The following USP34 variants were observed in gnomAD, a reference collection of about 807,000 sequenced individuals.
USP34 encodes ubiquitin specific peptidase 34.
In USP34, 70 loss-of-function variants were observed where a neutral mutation model predicts 460.3. The ratio of observed to expected loss-of-function variants is 0.15; its 90% CI spans 0.13 to 0.19. The LOEUF is 0.19. USP34 is among the 10% of genes least tolerant of loss of function. USP34 has a pLI of 1.00. For missense variants in USP34, 3,985 were observed against 4,236.2 expected (o/e 0.94, Z 1.65); for synonymous variants, 1,647 against 1,405.3 (o/e 1.17, Z -3.85).
chr2:61,350,587 G>C lies in USP34; in HGVS notation c.1358C>G (p.Pro453Arg), dbSNP rs770780741. Residue 453 changes from proline to arginine, a missense_variant, in exon 11 of 80, where the codon CCA becomes CGA. Physicochemically the swap from Pro to Arg is moderately radical, Grantham distance 103 (BLOSUM62 -2). Coordinates refer to ENST00000398571, the MANE Select transcript of USP34 (RefSeq NM_014709.4). The stretch of plus-strand genomic sequence containing the variant: ...TATTACCTGTTCAGTATGAACACTT[G>C]GCTCAAGAGCTGAGACCAGATTAAG... The part of the protein sequence containing the change: ...HLLNLVSALE[P>R]SVHTEQTLYL... 5.6e-6 allele frequency: 9 copies of C among 1,612,032 alleles called. No individual in the cohort carries two copies. The East Asian group carries it at 1.8e-4, about 32-fold the overall frequency.
intron 41 of USP34, among the ~76,000 whole-genome samples, chr2:61,268,937 CTAA>C (rs1387442267): frequency 6.6e-6 from 1 of 151,820 alleles, no homozygotes; most frequent in African/African-American, 2.4e-5. Context: ...TTGCCATGTC[CTAA>C]TAATAAATGT....
intron 2 of USP34, among the ~76,000 whole-genome samples, chr2:61,414,321 C>T (rs2103957211): frequency 6.6e-6 from 1 of 151,484 alleles, no homozygotes; most frequent in East Asian, 1.9e-4. Flanking sequence ...ACAAGGGCTA[C>T]TGCTTCTCCA....
intron 7 of USP34, among the ~76,000 whole-genome samples, chr2:61,379,779 C>T (rs1274509018): frequency 6.6e-6 from 1 of 152,230 alleles, no homozygotes; most frequent in African/African-American, 2.4e-5. Context: ...TCAAAACAAA[C>T]ATTTAGTAAA....
intron 1 of USP34, among the ~76,000 whole-genome samples, chr2:61,440,982 G>T (rs1694948633): frequency 6.6e-6 from 1 of 151,822 alleles, no homozygotes; most frequent in Admixed American, 6.6e-5. Flanking sequence ...AAAAAAATTA[G>T]CTGGGCGTGA....
At chr2:61,188,805 T>C (rs554348858) in intron 79 of USP34, 96 bp from the exon 80 acceptor site, 17 of 1,567,748 alleles carry the variant, frequency 1.1e-5, no homozygotes, top group Middle Eastern at 1.7e-4. Context: ...CTAGCATTTA[T>C]ATTTAGGAGG....
chr2:61,294,610 C>T (rs1226775386), intron 32 of USP34, among the ~76,000 whole-genome samples: 1 of 151,894 alleles, frequency 6.6e-6, no homozygotes, highest in East Asian at 1.9e-4. Context: ...AGTAGAGACA[C>T]GGGTTTTACC....
At chr2:61,397,434 C>T (rs1408386160) in intron 3 of USP34, among the ~76,000 whole-genome samples, 1 of 128,392 alleles carries the variant, frequency 7.8e-6, no homozygotes, top group Non-Finnish European at 1.7e-5. Context: ...CAAAATGAGG[C>T]TCCATCTAAA....
chr2:61,288,777 G>T lies in USP34; in HGVS notation c.4649C>A (p.Ser1550Tyr). 1 of 1,613,950 alleles carries T rather than the reference G, an allele frequency of 6.2e-7. No homozygotes were observed. Among genetic ancestry groups the T allele is most frequent in the South Asian group, 1.1e-5 (1 of 91,074 alleles). Residue 1550 changes from serine to tyrosine, a missense_variant, in exon 34 of 80, where the codon TCT becomes TAT. By Grantham distance (144) the Ser-to-Tyr change is moderately radical. Coordinates refer to ENST00000398571, the MANE Select transcript of USP34 (RefSeq NM_014709.4). Reference protein sequence around the residue: ...DLAYHDVFAWSGIAESHRKRT... With the variant: ...DLAYHDVFAWYGIAESHRKRT... ...TTTCCTATGGCTTTCCGCTATACCA[G>T]ACCAGGCAAAGACATCATGATAAGC...
chr2:61,467,118 T>C (rs904496132), intron 1 of USP34, among the ~76,000 whole-genome samples: 1 of 151,538 alleles, frequency 6.6e-6, no homozygotes, highest in Admixed American at 6.6e-5. Flanking sequence ...GCCTGGCCAA[T>C]ATGGTGAAAC....
intron 1 of USP34, among the ~76,000 whole-genome samples, chr2:61,439,700 GA>G: frequency 6.6e-6 from 1 of 152,322 alleles, no homozygotes; most frequent in Non-Finnish European, 1.5e-5. Context: ...ATGTTTCTAA[GA>G]GAACAGACTT....
At chr2:61,380,382 A>C in intron 6 of USP34, 21 bp from the exon 7 acceptor site, 2 of 1,581,282 alleles carry the variant, frequency 1.3e-6, no homozygotes. Flanking sequence ...TCAGAAATAG[A>C]AAATACACAA....
chr2:61,295,073 A>C, intron 31 of USP34, 41 bp from the exon 32 acceptor site: 1 of 1,603,532 alleles, frequency 6.2e-7, no homozygotes, highest in Non-Finnish European at 8.5e-7. Flanking sequence ...ATGGCGGAAG[A>C]AAGAATTATT....
intron 5 of USP34, among the ~76,000 whole-genome samples, chr2:61,387,617 T>C (rs1280332343): frequency 6.8e-6 from 1 of 147,212 alleles, no homozygotes; most frequent in East Asian, 1.9e-4. Context: ...ATATAAAATA[T>C]ATATTTTTAC....
At chr2:61,452,673 C>T (rs1695318738) in intron 1 of USP34, among the ~76,000 whole-genome samples, 1 of 151,416 alleles carries the variant, frequency 6.6e-6, no homozygotes, top group Admixed American at 6.6e-5. Context: ...TACTTGAAAC[C>T]AGGAGTTCGA....
chr2:61,198,177 T>C (rs1266526027), intron 75 of USP34, among the ~76,000 whole-genome samples: 1 of 152,268 alleles, frequency 6.6e-6, no homozygotes, highest in African/African-American at 2.4e-5. Flanking sequence ...GAAAGCATTC[T>C]ATAATTTCAT....
intron 1 of USP34, among the ~76,000 whole-genome samples, chr2:61,450,877 G>T (rs558822420): frequency 1.6e-5 from 2 of 128,258 alleles, no homozygotes; most frequent in Non-Finnish European, 3.2e-5. Flanking sequence ...AATAGAAACG[G>T]AGGAGATGCA....
At chr2:61,256,841 A>T in intron 47 of USP34, 32 bp downstream of exon 47, 7 of 1,509,492 alleles carry the variant, frequency 4.6e-6, no homozygotes, top group Non-Finnish European at 6.2e-6. Flanking sequence ...GTAAAAGCAT[A>T]AAGTAAAAAA....
intron 2 of USP34, among the ~76,000 whole-genome samples, chr2:61,416,544 T>C (rs1333580673): frequency 2.0e-5 from 3 of 152,094 alleles, no homozygotes; most frequent in Non-Finnish European, 4.4e-5. Context: ...AGTTTTGTAA[T>C]AAGCTTAAAA....
chr2:61,356,179 TAAAAA>T (rs79679650), intron 10 of USP34, among the ~76,000 whole-genome samples: 1 of 138,812 alleles, frequency 7.2e-6, no homozygotes, highest in East Asian at 2.1e-4. Flanking sequence ...TGAATGAATT[TAAAAA>T]AAAAAAAAAA....
Sources: gnomAD v4.1 joint callset for allele counts (sites outside exome capture counted in the v4.1 genomes callset) on GRCh38, gnomAD v4.1.1 for gene constraint, MANE v1.5 for transcripts, NCBI Gene and HGNC (gene_info 2026-07-23, HGNC 2026-07-21) for gene names.